Variants in NXN observed in about 807,000 individuals in gnomAD.
NXN encodes nucleoredoxin 1.
In NXN, 16 loss-of-function variants were observed where a neutral mutation model predicts 48.6. The ratio of observed to expected loss-of-function variants is 0.33; its 90% CI spans 0.22 to 0.50. The LOEUF is 0.50. Among genes scored for constraint, NXN ranks in the 20% least tolerant of loss-of-function variants. The pLI, the probability that NXN is intolerant of heterozygous loss-of-function variation, is 0.98. For synonymous variants in NXN, 281 were observed against 269.6 expected (o/e 1.04, Z -0.41); for missense variants, 492 against 605.5 (o/e 0.81, Z 1.97).
At chr17:915,878 G>GGCGGCCACTTATGGTGTCAGAGCCGA (rs1172944458) in intron 1 of NXN, among the ~76,000 whole-genome samples, 10 of 105,964 alleles carry the variant, frequency 9.4e-5, no homozygotes, top group Admixed American at 1.6e-4. Flanking sequence ...GTCAGAGCTG[G>GGCGGCCACTTATGGTGTCAGAGCCGA]AACTTCCAGC....
chr17:935,219 C>T (rs760114151), intron 1 of NXN, among the ~76,000 whole-genome samples: 4 of 151,984 alleles, frequency 2.6e-5, no homozygotes, highest in Admixed American at 6.6e-5. Flanking sequence ...GTCTCGAACT[C>T]CTGGCCTCAG....
chr17:977,896 A>T (rs2069480504), intron 1 of NXN, among the ~76,000 whole-genome samples: 1 of 152,266 alleles, frequency 6.6e-6, no homozygotes, highest in African/African-American at 2.4e-5. Context: ...CCTAAAAAGC[A>T]GTAAAAATGC....
intron 5 of NXN, among the ~76,000 whole-genome samples, chr17:809,455 A>G (rs759116475): frequency 1.3e-5 from 2 of 152,172 alleles, no homozygotes; most frequent in Non-Finnish European, 2.9e-5. Flanking sequence ...TCCACTGCCA[A>G]CGAGACACGG....
chr17:923,641 G>T (rs1477529084), intron 1 of NXN, among the ~76,000 whole-genome samples: 2 of 152,254 alleles, frequency 1.3e-5, no homozygotes, highest in Admixed American at 1.3e-4. Context: ...GCAACGTGCA[G>T]GACACTGCGT....
intron 1 of NXN, among the ~76,000 whole-genome samples, chr17:882,336 G>A (rs1398989785): frequency 1.3e-5 from 2 of 151,742 alleles, no homozygotes; most frequent in East Asian, 3.9e-4. Context: ...CCAGAAACCT[G>A]GCAGTCCTTC....
At position 821,057 on chromosome 17, in the gene NXN, C is replaced by G; in HGVS notation, c.713+1300G>C. ...ACGGGGAGCTGCGGCACGGCAGAGA[C>G]GGGGAGCTGTGGCATGGCAGAGACG... On this transcript the variant is annotated intron_variant, in intron 4 of 7. Coordinates refer to ENST00000336868, the MANE Select transcript of NXN (RefSeq NM_022463.5). Among the ~76,000 whole-genome samples the G allele has an allele frequency of 2.9e-5, 2 of 69,074 alleles. 1 individual carries two copies. The highest frequency in any genetic ancestry group is 5.2e-5 in the Non-Finnish European group (2 of 38,200). The allele number at this position is 69,074 out of a possible 152,430, so 45.3% of individuals were successfully genotyped here. A position where few individuals can be genotyped will look rare whatever the true frequency, so the allele number is the denominator to read the frequency against.
chr17:808,995 C>A (rs1172407676), intron 5 of NXN, among the ~76,000 whole-genome samples: 2 of 152,122 alleles, frequency 1.3e-5, no homozygotes, highest in East Asian at 3.9e-4. Context: ...CTTTTAATCA[C>A]CCCTAAACTG....
At chr17:937,231 G>A (rs1269559385) in intron 1 of NXN, among the ~76,000 whole-genome samples, 2 of 152,034 alleles carry the variant, frequency 1.3e-5, no homozygotes, top group African/African-American at 2.4e-5. Flanking sequence ...TGATCCGCCC[G>A]CCTCGGCCTC....
chr17:901,213 G>A (rs1379230741), intron 1 of NXN, among the ~76,000 whole-genome samples: 8 of 149,586 alleles, frequency 5.3e-5, no homozygotes, highest in Admixed American at 2.7e-4. Flanking sequence ...GAGCCACGGC[G>A]TCCGGCCAGA....
rs947522991 is a variant in NXN, at chr17:932,232, C to A, written c.360+47087G>T. 6.6e-6 allele frequency among the ~76,000 whole-genome samples: 1 copy of A among 152,336 alleles called. No homozygotes were observed. The highest frequency in any genetic ancestry group is 3.4e-3 in the Middle Eastern group (1 of 294). On this transcript the variant is annotated intron_variant, in intron 1 of 7. Coordinates refer to ENST00000336868, the MANE Select transcript of NXN (RefSeq NM_022463.5). The surrounding 1 kb of genome is among the most constrained non-coding windows in gnomAD (Gnocchi z 4.1). Reference sequence around the variant, plus strand: ...CTAAGGCAAAGCTGATCTGAAGAGTCTGTCTACCTGCCCAGCTACCAACCC... The same window carrying A: ...CTAAGGCAAAGCTGATCTGAAGAGTATGTCTACCTGCCCAGCTACCAACCC...
intron 5 of NXN, among the ~76,000 whole-genome samples, chr17:816,410 A>G (rs372989862): frequency 3.9e-5 from 6 of 152,148 alleles, no homozygotes; most frequent in East Asian, 1.9e-4. Context: ...GTTGCAGCCA[A>G]GATCCTTCTG....
intron 1 of NXN, among the ~76,000 whole-genome samples, chr17:859,491 A>C (rs1331773264): frequency 6.7e-6 from 1 of 150,326 alleles, no homozygotes; most frequent in Non-Finnish European, 1.5e-5. Flanking sequence ...TATTCAAAAG[A>C]AAAAAAAATG....
intron 1 of NXN, among the ~76,000 whole-genome samples, chr17:835,709 T>TC (rs1567824626): frequency 9.4e-6 from 1 of 106,716 alleles, no homozygotes; most frequent in African/African-American, 3.9e-5. Context: ...TTCGTCAGCC[T>TC]CATAGAGGCC....
Position 962,188 on chromosome 17 carries a change from T to C in NXN, c.360+17131A>G, listed in dbSNP as rs78938902. On this transcript the variant is annotated intron_variant, in intron 1 of 7. Transcript: ENST00000336868. ...GAAAACGGGGGAGAGTTGTGTGTAATAGTAGGTGAGAAGACTTTTGACATC... is the reference window on the plus strand; with the variant it reads ...GAAAACGGGGGAGAGTTGTGTGTAACAGTAGGTGAGAAGACTTTTGACATC... 3.3e-5 allele frequency among the ~76,000 whole-genome samples: 5 copies of C among 152,014 alleles called. No homozygotes were observed. In the East Asian group the frequency reaches 5.8e-4, roughly 18 times the overall value.
At chr17:922,208 G>A (rs1336723141) in intron 1 of NXN, among the ~76,000 whole-genome samples, 6 of 152,150 alleles carry the variant, frequency 3.9e-5, no homozygotes, top group African/African-American at 9.7e-5. Context: ...TTGGGAGGCC[G>A]AGGCAGGTGG....
At chr17:891,534 A>G (rs2068416542) in intron 1 of NXN, among the ~76,000 whole-genome samples, 1 of 152,246 alleles carries the variant, frequency 6.6e-6, no homozygotes, top group Non-Finnish European at 1.5e-5. Flanking sequence ...TCTGTCTACA[A>G]TGAGACTAGG....
At chr17:840,141 G>T (rs967459953) in intron 1 of NXN, among the ~76,000 whole-genome samples, 1 of 151,846 alleles carries the variant, frequency 6.6e-6, no homozygotes, top group South Asian at 2.1e-4. Flanking sequence ...ATTTCTACTG[G>T]ACCATAAATG....
At position 917,605 on chromosome 17, in the gene NXN, T is replaced by C. The variant is rs893325858; in HGVS notation, c.360+61714A>G. Among the ~76,000 whole-genome samples the C allele has an allele frequency of 7.2e-5, 11 of 152,214 alleles. No homozygotes were observed. Among genetic ancestry groups the C allele is most frequent in the African/African-American group, 2.7e-4 (11 of 41,462 alleles). ...TTAGCACTGGTGTCTACAGGCTCGA[T>C]TCCCAGCTCTCCCACAAGGACGTGG... On this transcript the variant is annotated intron_variant, in intron 1 of 7. Transcript: ENST00000336868. This position sits in a 1 kb window ranked among gnomAD's most constrained non-coding sequence, Gnocchi z 4.5.
At chr17:824,502 A>T (rs1207933053) in intron 2 of NXN, among the ~76,000 whole-genome samples, 1 of 152,202 alleles carries the variant, frequency 6.6e-6, no homozygotes, top group Non-Finnish European at 1.5e-5. Context: ...CTCGGGAATC[A>T]ACCCGATACC....
Sources: allele counts gnomAD v4.1 joint callset (sites outside exome capture counted in the v4.1 genomes callset), GRCh38; gene constraint gnomAD v4.1.1; non-coding constraint Gnocchi (gnomAD v3.1); transcripts MANE v1.5; gene names NCBI Gene and HGNC (gene_info 2026-07-23, HGNC 2026-07-21).